The following AGBL4 variants were observed in gnomAD, a reference collection of about 807,000 sequenced individuals.
The protein encoded by AGBL4 is cytosolic carboxypeptidase 6.
AGBL4 carries 58 observed loss-of-function variants against 66.4 expected under a neutral mutation model. That is an observed-to-expected ratio of 0.87 (90% CI 0.71 to 1.09). The LOEUF (loss-of-function observed/expected upper bound fraction) is 1.09. AGBL4 is among the 50% of genes least tolerant of loss of function. The pLI, the probability that AGBL4 is intolerant of heterozygous loss-of-function variation, is 0.00. For synonymous variants in AGBL4, 234 were observed against 222.9 expected (o/e 1.05, Z -0.44); for missense variants, 579 against 631.0 (o/e 0.92, Z 0.88).
chr1:49,201,031 G>C (rs1004894296), intron 4 of AGBL4, among the ~76,000 whole-genome samples: 5 of 152,174 alleles, frequency 3.3e-5, no homozygotes, highest in African/African-American at 9.7e-5. Context: ...GCCCCAGATA[G>C]TCCAACGGTT....
At chr1:48,622,050 C>A (rs1354624232) in intron 9 of AGBL4, among the ~76,000 whole-genome samples, 1 of 152,004 alleles carries the variant, frequency 6.6e-6, no homozygotes, top group Non-Finnish European at 1.5e-5. Flanking sequence ...CCTGGGGTAG[C>A]CCACAGGGCT....
At chr1:49,936,237 G>A (rs1022870796) in intron 1 of AGBL4, among the ~76,000 whole-genome samples, 2 of 152,166 alleles carry the variant, frequency 1.3e-5, no homozygotes, top group East Asian at 3.8e-4. Flanking sequence ...AAGGGTATCA[G>A]CGATGGAAGA....
chr1:49,858,771 CT>C (rs768013627), intron 1 of AGBL4, among the ~76,000 whole-genome samples: 30 of 152,140 alleles, frequency 2.0e-4, no homozygotes, highest in Non-Finnish European at 3.8e-4. Flanking sequence ...AATCCCAGCA[CT>C]TTGGGAGGCT....
At chr1:49,703,777 C>T (rs377637604) in intron 2 of AGBL4, among the ~76,000 whole-genome samples, 1 of 151,874 alleles carries the variant, frequency 6.6e-6, no homozygotes, top group African/African-American at 2.4e-5. Flanking sequence ...AATACTAGAA[C>T]TTTCCTTACT....
chr1:49,797,866 C>A (rs1357283492), intron 2 of AGBL4, among the ~76,000 whole-genome samples: 1 of 151,924 alleles, frequency 6.6e-6, no homozygotes, highest in African/African-American at 2.4e-5. Flanking sequence ...CGCGTTCAAG[C>A]GATTCTCTTG....
At chr1:49,468,194 A>G (rs557492541) in intron 3 of AGBL4, among the ~76,000 whole-genome samples, 3 of 151,852 alleles carry the variant, frequency 2.0e-5, no homozygotes, top group Non-Finnish European at 4.4e-5. Flanking sequence ...TTTGGTACAC[A>G]TAAGGTCCTG....
chr1:49,713,629 T>C (rs748759042), intron 2 of AGBL4, among the ~76,000 whole-genome samples: 1 of 151,936 alleles, frequency 6.6e-6, no homozygotes, highest in Non-Finnish European at 1.5e-5. Flanking sequence ...TACACACACA[T>C]ACATAAACAG....
intron 8 of AGBL4, among the ~76,000 whole-genome samples, chr1:48,649,789 A>G (rs1469937221): frequency 6.6e-6 from 1 of 152,290 alleles, no homozygotes; most frequent in East Asian, 1.9e-4. Context: ...AGTGAGGAGG[A>G]GGAAGAGAAG....
At chr1:49,432,872 C>A (rs1244207237) in intron 3 of AGBL4, among the ~76,000 whole-genome samples, 1 of 152,094 alleles carries the variant, frequency 6.6e-6, no homozygotes, top group Non-Finnish European at 1.5e-5. Flanking sequence ...TTGAACATAC[C>A]AAAGAGGCAT....
intron 3 of AGBL4, among the ~76,000 whole-genome samples, chr1:49,662,864 T>A (rs908852980): frequency 2.6e-5 from 4 of 151,956 alleles, no homozygotes; most frequent in African/African-American, 9.7e-5. Flanking sequence ...GCACATAAGA[T>A]CAAAATGAAA....
At chr1:49,433,491 TTGAG>T (rs1454631966) in intron 3 of AGBL4, among the ~76,000 whole-genome samples, 3 of 152,210 alleles carry the variant, frequency 2.0e-5, no homozygotes, top group Non-Finnish European at 2.9e-5. Context: ...GTGATGATTG[TTGAG>T]TGAGAGAATA....
intron 6 of AGBL4, among the ~76,000 whole-genome samples, chr1:48,824,037 A>C (rs1443672903): frequency 6.6e-6 from 1 of 152,116 alleles, no homozygotes; most frequent in Non-Finnish European, 1.5e-5. Context: ...AGATGTGTCA[A>C]TAAGACTGTG....
chr1:48,654,992 C>T (rs190173143), intron 7 of AGBL4, among the ~76,000 whole-genome samples: 28 of 152,360 alleles, frequency 1.8e-4, no homozygotes, highest in Non-Finnish European at 3.4e-4. Context: ...GCTCCCGGGG[C>T]GGCCCTCCAT....
intron 3 of AGBL4, among the ~76,000 whole-genome samples, chr1:49,380,988 G>A (rs1183791891): frequency 1.3e-5 from 2 of 152,208 alleles, no homozygotes; most frequent in East Asian, 1.9e-4. Flanking sequence ...AGACAAAATC[G>A]ACAAATGGGA....
chr1:48,674,858 T>C (rs952763873), intron 6 of AGBL4, among the ~76,000 whole-genome samples: 1 of 152,294 alleles, frequency 6.6e-6, no homozygotes, highest in Non-Finnish European at 1.5e-5. Context: ...CCCCAGGCAG[T>C]GAGTCACTCT....
chr1:49,086,092 C>T (rs1053808119), intron 4 of AGBL4, among the ~76,000 whole-genome samples: 1 of 152,180 alleles, frequency 6.6e-6, no homozygotes, highest in Non-Finnish European at 1.5e-5. Flanking sequence ...CTGGGAAGCA[C>T]CTAGACAAGG....
At chr1:49,039,979 T>C (rs1643898887) in intron 5 of AGBL4, among the ~76,000 whole-genome samples, 1 of 152,076 alleles carries the variant, frequency 6.6e-6, no homozygotes, top group South Asian at 2.1e-4. Context: ...ATTAAAAATT[T>C]GATAAATTGG....
intron 3 of AGBL4, among the ~76,000 whole-genome samples, chr1:49,521,537 T>C (rs923307166): frequency 2.2e-4 from 34 of 151,702 alleles, no homozygotes; most frequent in African/African-American, 8.2e-4. Flanking sequence ...TCAACAAAAA[T>C]AAGCAATGGG....
At chr1:49,602,523 T>G (rs1225340413) in intron 3 of AGBL4, among the ~76,000 whole-genome samples, 2 of 151,930 alleles carry the variant, frequency 1.3e-5, no homozygotes, top group Non-Finnish European at 2.9e-5. Flanking sequence ...TAAAAAAGGA[T>G]GAGTTCATGT....
Sources: allele counts gnomAD v4.1 joint callset (sites outside exome capture counted in the v4.1 genomes callset), GRCh38; gene constraint gnomAD v4.1.1; transcripts MANE v1.5; gene names NCBI Gene and HGNC (gene_info 2026-07-23, HGNC 2026-07-21).